EGF: variants seen among roughly 807,000 people sequenced by gnomAD.
EGF encodes epidermal growth factor.
In EGF, 95 loss-of-function variants were observed where a neutral mutation model predicts 143.8. The ratio of observed to expected loss-of-function variants is 0.66; its 90% CI spans 0.56 to 0.78. EGF has a LOEUF of 0.78. EGF is among the 30% of genes least tolerant of loss of function. The pLI is 0.00. For missense variants in EGF, 1,320 were observed against 1,470.9 expected, an observed-to-expected ratio of 0.90 and a Z score of 1.68; for synonymous variants, 510 against 510.5, an observed-to-expected ratio of 1.00 and a Z score of 0.01.
At chr4:109,924,775 T>A (rs1333279523) in intron 1 of EGF, among the ~76,000 whole-genome samples, 1 of 152,190 alleles carries the variant, frequency 6.6e-6, no homozygotes, top group Admixed American at 6.5e-5. Context: ...TAGGATGAGC[T>A]TTTTGTTGGC....
chr4:109,983,401 G>T, intron 15 of EGF, 21 bp from the exon 16 acceptor site: 1 of 1,611,954 alleles, frequency 6.2e-7, no homozygotes, highest in Non-Finnish European at 8.5e-7. Context: ...AAATTTAATT[G>T]CATCTATTGA....
intron 5 of EGF, among the ~76,000 whole-genome samples, chr4:109,950,936 C>T (rs1410105958): frequency 6.6e-6 from 1 of 152,054 alleles, no homozygotes; most frequent in African/African-American, 2.4e-5. Flanking sequence ...TTTTATATTC[C>T]TTAGTCCTTA....
Position 109,987,777 on chromosome 4 carries a change from T to C in EGF, c.2525T>C (p.Met842Thr), listed in dbSNP as rs11569046. ...GACTGTGCTCCTGTGGGATGCAGCA[T>C]GTATGCTCGGTGTATTTCAGAGGGA... ...QDDCAPVGCS[M>T]YARCISEGED... The change falls in exon 17 of 24, where the codon ATG becomes ACG. Residue 842 changes from methionine to threonine, a missense_variant. Physicochemically the swap from Met to Thr is moderately conservative, Grantham distance 81. This residue lies in a region of EGF where 1,186 missense variants were observed against 1,313.7 expected (regional missense o/e 0.90). Coordinates refer to ENST00000265171, the MANE Select transcript of EGF (RefSeq NM_001963.6). 6.6e-3 allele frequency: 10,690 copies of C among 1,613,904 alleles called. 479 individuals carry two copies. The African/African-American group carries it at 0.11, about 17-fold the overall frequency.
At chr4:109,971,219 AC>A (rs1163358338) in intron 11 of EGF, among the ~76,000 whole-genome samples, 2 of 152,214 alleles carry the variant, frequency 1.3e-5, no homozygotes, top group Non-Finnish European at 2.9e-5. Flanking sequence ...ATAAAGATGT[AC>A]CACCGCCCCA....
Position 110,011,342 on chromosome 4 carries a change from G to A in EGF, c.3511G>A (p.Gly1171Arg), listed in dbSNP as rs781676849. Residue 1171 changes from glycine to arginine, a missense_variant, in exon 24 of 24, where the codon GGG (glycine) becomes AGG (arginine). By Grantham distance (125) the Gly-to-Arg change is moderately radical. This residue lies in a region of EGF where 1,186 missense variants were observed against 1,313.7 expected (regional missense o/e 0.90). Transcript: ENST00000265171. ...GCGAAGCTTTCATATGCCCTCCTAT[G>A]GGACACAGACCCTTGAAGGGGGTGT... The part of the protein sequence containing the change: ...MERSFHMPSY[G>R]TQTLEGGVEK... 7 of 1,613,958 alleles carry A rather than the reference G, an allele frequency of 4.3e-6. No individual in the cohort carries two copies. The highest frequency in any genetic ancestry group is 1.6e-4 in the Middle Eastern group (1 of 6,080).
In EGF at chr4:109,915,099, G is replaced by A. The variant is rs143436629; in HGVS notation, c.127+1637G>A. ...ATGCCTTGTTTTCCTTGCCACCTCT[G>A]GTGGCTCAGAAGTGCCTTCATTGAG... is the stretch of plus-strand genomic sequence containing the variant. On this transcript the variant is annotated intron_variant, in intron 1 of 23. Coordinates refer to ENST00000265171, the MANE Select transcript of EGF (RefSeq NM_001963.6). Among the ~76,000 whole-genome samples, 392 of 152,252 alleles carry A rather than the reference G, an allele frequency of 2.6e-3. 1 individual carries two copies. The highest frequency in any genetic ancestry group is 9.1e-3 in the African/African-American group (377 of 41,538).
chr4:109,989,342 G>A (rs946930647), intron 18 of EGF, among the ~76,000 whole-genome samples: 7 of 152,156 alleles, frequency 4.6e-5, no homozygotes, highest in African/African-American at 1.7e-4. Flanking sequence ...CAGTAGCATC[G>A]CATCACGTAC....
At chr4:109,958,081 C>T (rs1681279522) in intron 5 of EGF, among the ~76,000 whole-genome samples, 1 of 152,340 alleles carries the variant, frequency 6.6e-6, no homozygotes, top group South Asian at 2.1e-4. Context: ...ATACCCAAAT[C>T]TGCAGATGCT....
chr4:110,004,123 C>T (rs1053725904), intron 21 of EGF: 12 of 344,594 alleles, frequency 3.5e-5, no homozygotes, highest in Non-Finnish European at 6.2e-5. Context: ...ATCATCAGTA[C>T]TAGGACAGTG....
intron 10 of EGF, chr4:109,968,707 T>TCTAC (rs1553937989): frequency 1.8e-4 from 62 of 351,478 alleles, no homozygotes; most frequent in South Asian, 5.1e-4. Context: ...TATCTATCTA[T>TCTAC]CTACCTACCT....
chr4:109,915,066 G>C (rs568034272), intron 1 of EGF, among the ~76,000 whole-genome samples: 1 of 152,220 alleles, frequency 6.6e-6, no homozygotes, highest in African/African-American at 2.4e-5. Flanking sequence ...CTGCTGGCAA[G>C]CAAGTCTATG....
At chr4:109,951,146 AAAAAT>A (rs59869160) in intron 5 of EGF, among the ~76,000 whole-genome samples, 17,931 of 132,786 alleles carry the variant, frequency 0.14, 1,504 homozygotes, top group East Asian at 0.35. Context: ...GTCTCTACTA[AAAAAT>A]AAAATAAAAT....
Position 109,945,208 on chromosome 4 carries a change from A to C in EGF, c.873A>C (p.Pro291=). The part of the protein sequence containing the change: ...VRINLHSSFV[P]LGELKVVHPL... ...TTAACCTCCATTCATCATTTGTACC[A>C]CTTGGTGAACTGAAAGTAGTGCATC... The change falls in exon 5 of 24, where the codon CCA becomes CCC. Residue 291 remains proline, a synonymous_variant. Transcript: ENST00000265171. 1 of 1,614,098 alleles carries C rather than the reference A, an allele frequency of 6.2e-7. No individual in the cohort carries two copies. The highest frequency in any genetic ancestry group is 8.5e-7 in the Non-Finnish European group (1 of 1,180,016).
rs760507781 is a variant in EGF, at chr4:109,993,272, G to T, written c.2760G>T (p.Glu920Asp). The part of the protein sequence containing the change: ...CLDIDECQLG[E>D]HSCGENASCT... ...ATATTGATGAGTGCCAACTGGGGGA[G>T]CACAGCTGTGGAGAGAATGCCAGCT... Residue 920 changes from glutamate (E) to aspartate (D), a missense_variant, in exon 19 of 24, where the codon GAG becomes GAT. By Grantham distance (45) the Glu-to-Asp change is conservative (BLOSUM62 2). Around this residue, in one of 5 missense-constraint regions of EGF, gnomAD observed 1,186 missense variants for 1,313.7 expected, o/e 0.90. Coordinates refer to ENST00000265171, the MANE Select transcript of EGF (RefSeq NM_001963.6). 4.3e-6 allele frequency: 7 copies of T among 1,613,800 alleles called. No individual in the cohort carries two copies. Among genetic ancestry groups the T allele is most frequent in the Non-Finnish European group, 1.7e-6 (2 of 1,179,874 alleles).
rs780307505 is a variant in EGF, at chr4:109,945,091, G to A, written c.756G>A (p.Met252Ile). ...KHPTQHNLFA[M>I]SLFGDRIFYS... ...TTTTTAGGCATAATTTGTTTGCAAT[G>A]TCCCTTTTTGGTGACCGTATCTTCT... The change falls in exon 5 of 24, where the codon ATG becomes ATA. Residue 252 changes from methionine to isoleucine, a missense_variant. Transcript: ENST00000265171. 19 of 1,613,962 alleles carry A rather than the reference G, an allele frequency of 1.2e-5. No individual in the cohort carries two copies. Among genetic ancestry groups the A allele is most frequent in the East Asian group, 2.2e-5 (1 of 44,892 alleles).
At position 109,919,809 on chromosome 4, in the gene EGF, T is replaced by C. The variant is rs182072740; in HGVS notation, c.127+6347T>C. Among the ~76,000 whole-genome samples the C allele has an allele frequency of 7.4e-4, 113 of 151,688 alleles. 3 individuals are homozygous for C. The highest frequency in any genetic ancestry group is 2.7e-3 in the African/African-American group (111 of 41,002). ...ATGGAAAGATTTTAAAGAAGGCTAATTTCCAGCAATTTGCTTGTGGTGGCA... is the reference window on the plus strand; with the variant it reads ...ATGGAAAGATTTTAAAGAAGGCTAACTTCCAGCAATTTGCTTGTGGTGGCA... On this transcript the variant is annotated intron_variant, in intron 1 of 23. Transcript: ENST00000265171.
intron 1 of EGF, among the ~76,000 whole-genome samples, chr4:109,915,652 ATTTC>A (rs1736519305): frequency 6.6e-6 from 1 of 152,102 alleles, no homozygotes; most frequent in African/African-American, 2.4e-5. Flanking sequence ...AGAGGATAGT[ATTTC>A]TTTCTCCTCT....
intron 22 of EGF, among the ~76,000 whole-genome samples, chr4:110,005,806 G>A (rs533717804): frequency 1.3e-5 from 2 of 152,306 alleles, no homozygotes; most frequent in Admixed American, 6.5e-5. Flanking sequence ...GGTCCATGGA[G>A]GATTGAATCC....
chr4:109,931,844 T>C (rs1468573778), intron 1 of EGF, among the ~76,000 whole-genome samples: 1 of 152,216 alleles, frequency 6.6e-6, no homozygotes, highest in Non-Finnish European at 1.5e-5. Flanking sequence ...GTTGCTAGGA[T>C]CTGTATGCTA....
Sources: allele counts gnomAD v4.1 joint callset (sites outside exome capture counted in the v4.1 genomes callset), GRCh38; gene constraint gnomAD v4.1.1; regional missense constraint gnomAD v4.1.1; transcripts MANE v1.5; gene names NCBI Gene and HGNC (gene_info 2026-07-23, HGNC 2026-07-21).